DOCK1: variants seen among roughly 807,000 people sequenced by gnomAD.
DOCK1 encodes dedicator of cytokinesis protein 1.
DOCK1 carries 138 observed loss-of-function variants against 262.7 expected under a neutral mutation model. The observed-to-expected ratio is 0.53, with a 90% CI of 0.46 to 0.61. The LOEUF is 0.61. DOCK1 is among the 20% of genes least tolerant of loss of function. The pLI, the probability that DOCK1 is intolerant of heterozygous loss-of-function variation, is 0.00. For synonymous variants in DOCK1, 866 were observed against 867.4 expected (o/e 1.00, Z 0.03); for missense variants, 1,908 against 2,370.7 (o/e 0.80, Z 4.05).
At chr10:127,115,739 G>A (rs996832733) in intron 25 of DOCK1, among the ~76,000 whole-genome samples, 1 of 152,332 alleles carries the variant, frequency 6.6e-6, no homozygotes, top group African/African-American at 2.4e-5. Flanking sequence ...TTAGTAAAGA[G>A]CATTGGCTAT....
At chr10:127,262,461 T>C (rs1020240179) in intron 29 of DOCK1, among the ~76,000 whole-genome samples, 1 of 152,178 alleles carries the variant, frequency 6.6e-6, no homozygotes, top group African/African-American at 2.4e-5. Flanking sequence ...TAGGTCCTGA[T>C]TGGAGTTGGT....
chr10:127,332,664 C>G (rs1444574899), intron 29 of DOCK1, among the ~76,000 whole-genome samples: 1 of 152,234 alleles, frequency 6.6e-6, no homozygotes, highest in Non-Finnish European at 1.5e-5. Context: ...AGATCCCACC[C>G]AGTCCCCCAG....
intron 19 of DOCK1, among the ~76,000 whole-genome samples, chr10:127,041,218 C>T (rs2043992539): frequency 6.6e-6 from 1 of 152,180 alleles, no homozygotes; most frequent in South Asian, 2.1e-4. Flanking sequence ...CTGCCTCAGC[C>T]TCCCAAGTAG....
intron 38 of DOCK1, among the ~76,000 whole-genome samples, chr10:127,387,310 G>A (rs7899059): frequency 0.049 from 7,455 of 152,298 alleles, 225 homozygotes; most frequent in Non-Finnish European, 0.07. Flanking sequence ...ACTGCCTTGA[G>A]GACGTTGCTT....
At chr10:127,134,473 C>A (rs560172398) in intron 27 of DOCK1, among the ~76,000 whole-genome samples, 4 of 152,298 alleles carry the variant, frequency 2.6e-5, no homozygotes, top group African/African-American at 9.6e-5. Context: ...CCCCATTTAT[C>A]TTCTGCTGGA....
chr10:126,958,807 T>A (rs1356078462), intron 1 of DOCK1, among the ~76,000 whole-genome samples: 4 of 152,128 alleles, frequency 2.6e-5, no homozygotes, highest in African/African-American at 9.7e-5. Context: ...CACTGCTGAG[T>A]GTTTTTGTGT....
At chr10:127,441,041 A>AT (rs1352608426) in intron 49 of DOCK1, among the ~76,000 whole-genome samples, 5 of 152,252 alleles carry the variant, frequency 3.3e-5, no homozygotes, top group Non-Finnish European at 7.3e-5. Context: ...ATTTTTGAAT[A>AT]TTACTTAGTG....
intron 19 of DOCK1, among the ~76,000 whole-genome samples, chr10:127,041,797 C>G (rs1253344070): frequency 4.6e-5 from 7 of 152,194 alleles, no homozygotes; most frequent in Admixed American, 4.6e-4. Flanking sequence ...TTGTATGTCC[C>G]TAATGAGTAA....
intron 1 of DOCK1, among the ~76,000 whole-genome samples, chr10:126,952,817 G>T (rs995811005): frequency 1.3e-5 from 2 of 149,316 alleles, no homozygotes; most frequent in African/African-American, 5.2e-5. Flanking sequence ...TGGTAGTATT[G>T]TTGGTGATGG....
chr10:127,313,183 C>G (rs1429239910), intron 29 of DOCK1, among the ~76,000 whole-genome samples: 3 of 152,170 alleles, frequency 2.0e-5, no homozygotes, highest in Admixed American at 6.5e-5. Context: ...GCACCAGACC[C>G]TCGTCTTCCT....
intron 27 of DOCK1, among the ~76,000 whole-genome samples, chr10:127,195,335 G>A (rs1367494998): frequency 2.6e-5 from 4 of 152,094 alleles, no homozygotes; most frequent in Non-Finnish European, 4.4e-5. Flanking sequence ...GGTTTCCCAC[G>A]CCTGTCCCGG....
chr10:127,362,881 A>G (rs1346126659), intron 33 of DOCK1, among the ~76,000 whole-genome samples: 1,376 of 133,568 alleles, frequency 0.01, 110 homozygotes, highest in African/African-American at 0.019. Context: ...ACACATACAC[A>G]TCCCCACACA....
intron 16 of DOCK1, among the ~76,000 whole-genome samples, chr10:127,030,876 G>A (rs1015583083): frequency 6.6e-6 from 1 of 151,946 alleles, no homozygotes; most frequent in Admixed American, 6.6e-5. Flanking sequence ...ACATCTGGTA[G>A]TGATAAGAAT....
chr10:126,936,706 T>C (rs1460578347), intron 1 of DOCK1, among the ~76,000 whole-genome samples: 1 of 152,210 alleles, frequency 6.6e-6, no homozygotes, highest in East Asian at 1.9e-4. Flanking sequence ...ATCAAACTTA[T>C]TGGGAGAAGT....
At chr10:127,072,952 G>T (rs1226166584) in intron 23 of DOCK1, among the ~76,000 whole-genome samples, 1 of 152,166 alleles carries the variant, frequency 6.6e-6, no homozygotes, top group Non-Finnish European at 1.5e-5. Flanking sequence ...CCTTCCTAGA[G>T]ATACCAGCAT....
At chr10:127,206,378 A>T (rs2134282569) in intron 27 of DOCK1, among the ~76,000 whole-genome samples, 1 of 152,230 alleles carries the variant, frequency 6.6e-6, no homozygotes, top group Non-Finnish European at 1.5e-5. Context: ...TCGTGACCTC[A>T]AGTGATCTGC....
chr10:127,156,454 C>G (rs542268137), intron 27 of DOCK1, among the ~76,000 whole-genome samples: 1 of 152,188 alleles, frequency 6.6e-6, no homozygotes, highest in South Asian at 2.1e-4. Flanking sequence ...CAAGAGGAAT[C>G]TTCCAGGACC....
At chr10:127,049,895 G>C (rs57988715) in intron 21 of DOCK1, among the ~76,000 whole-genome samples, 1 of 148,546 alleles carries the variant, frequency 6.7e-6, no homozygotes, top group Admixed American at 6.7e-5. Context: ...ATAAAATACA[G>C]AACAGATTCA....
chr10:127,351,622 G>C (rs1379714915), intron 31 of DOCK1, among the ~76,000 whole-genome samples: 2 of 152,066 alleles, frequency 1.3e-5, no homozygotes, highest in Non-Finnish European at 2.9e-5. Flanking sequence ...TGCTAGAGAG[G>C]AACTTAGTTA....
Sources: allele counts gnomAD v4.1 joint callset (sites outside exome capture counted in the v4.1 genomes callset), GRCh38; gene constraint gnomAD v4.1.1; transcripts MANE v1.5; gene names NCBI Gene and HGNC (gene_info 2026-07-23, HGNC 2026-07-21).